STXBP6: variants seen among roughly 807,000 people sequenced by gnomAD.
The protein encoded by STXBP6 is syntaxin-binding protein 6.
A neutral mutation model predicts 26.9 loss-of-function variants in STXBP6; 21 were observed. The ratio of observed to expected loss-of-function variants is 0.78; its 90% confidence interval spans 0.55 to 1.12. The LOEUF is 1.12. Among genes scored for constraint, STXBP6 ranks in the 50% most tolerant of loss-of-function variants. The probability of loss-of-function intolerance (pLI) is 0.00; values close to 1 mark genes in which losing one functional copy is unlikely to be tolerated. For missense variants in STXBP6, 232 were observed against 257.9 expected (o/e 0.90, Z 0.69); for synonymous variants, 97 against 92.6 (o/e 1.05, Z -0.27).
At chr14:24,943,683 T>C (rs1356458607) in intron 2 of STXBP6, among the ~76,000 whole-genome samples, 2 of 152,254 alleles carry the variant, frequency 1.3e-5, no homozygotes, top group Non-Finnish European at 2.9e-5. Flanking sequence ...CTGAACTGAA[T>C]ATATTTAATA....
intron 2 of STXBP6, among the ~76,000 whole-genome samples, chr14:24,936,551 C>T (rs1283783413): frequency 2.0e-5 from 3 of 152,192 alleles, no homozygotes; most frequent in Non-Finnish European, 2.9e-5. Context: ...CAAGTCATCA[C>T]TGATTGTCAA....
At chr14:24,900,934 A>G (rs1388155355) in intron 2 of STXBP6, among the ~76,000 whole-genome samples, 2 of 152,212 alleles carry the variant, frequency 1.3e-5, no homozygotes, top group Non-Finnish European at 2.9e-5. Context: ...GAAGACAGTA[A>G]AAACTGGGAT....
chr14:24,926,866 A>T (rs1017575503), intron 2 of STXBP6, among the ~76,000 whole-genome samples: 1 of 152,180 alleles, frequency 6.6e-6, no homozygotes, highest in African/African-American at 2.4e-5. Context: ...AAATGAGTTA[A>T]TATAATGCAA....
chr14:25,035,361 T>C (rs2075532321), intron 1 of STXBP6, among the ~76,000 whole-genome samples: 3 of 152,158 alleles, frequency 2.0e-5, no homozygotes, highest in African/African-American at 7.2e-5. Flanking sequence ...TTACTCCTCC[T>C]GTCACAATGT....
chr14:24,822,572 T>C (rs188114287), intron 4 of STXBP6, among the ~76,000 whole-genome samples: 1 of 152,326 alleles, frequency 6.6e-6, no homozygotes, highest in Non-Finnish European at 1.5e-5. Flanking sequence ...TTAATTTGTC[T>C]GATCTGTAAA....
intron 2 of STXBP6, among the ~76,000 whole-genome samples, chr14:24,891,639 A>T (rs1446719330): frequency 6.6e-6 from 1 of 152,160 alleles, no homozygotes; most frequent in African/African-American, 2.4e-5. Context: ...TACCCCACTA[A>T]TATTAGCCTT....
At chr14:25,035,451 T>G (rs751876829) in intron 1 of STXBP6, among the ~76,000 whole-genome samples, 12 of 152,186 alleles carry the variant, frequency 7.9e-5, no homozygotes, top group Admixed American at 1.3e-4. Flanking sequence ...TGGCAGGAAG[T>G]CAATAAGTTC....
intron 1 of STXBP6, among the ~76,000 whole-genome samples, chr14:25,044,705 TG>T (rs1419839064): frequency 6.6e-5 from 10 of 152,260 alleles, no homozygotes; most frequent in South Asian, 2.1e-4. Context: ...AGCCTTGACC[TG>T]CTGGCATTAC....
intron 5 of STXBP6, among the ~76,000 whole-genome samples, chr14:24,813,624 T>G (rs1187264348): frequency 6.6e-6 from 1 of 152,126 alleles, no homozygotes; most frequent in Non-Finnish European, 1.5e-5. Context: ...GGCTCAGAAA[T>G]CCTTTGAGCA....
chr14:24,851,235 G>A (rs2069139131), intron 4 of STXBP6, among the ~76,000 whole-genome samples: 1 of 43,410 alleles, frequency 2.3e-5, no homozygotes, highest in Admixed American at 3.8e-4. Context: ...GGCAGACCAC[G>A]TCTCTTTTTT....
intron 2 of STXBP6, among the ~76,000 whole-genome samples, chr14:24,884,644 T>C (rs966675069): frequency 3.9e-5 from 6 of 152,220 alleles, no homozygotes; most frequent in African/African-American, 1.4e-4. Context: ...AGCATACACA[T>C]AGAATGACTT....
chr14:24,943,383 C>G (rs1386671195), intron 2 of STXBP6, among the ~76,000 whole-genome samples: 1 of 152,202 alleles, frequency 6.6e-6, no homozygotes, highest in Non-Finnish European at 1.5e-5. Context: ...CCCACCTGGA[C>G]TCCTGTGAGA....
chr14:25,004,673 G>T lies in STXBP6; in HGVS notation c.-32-29823C>A, dbSNP rs1463518848. 2.6e-5 allele frequency among the ~76,000 whole-genome samples: 4 copies of T among 152,186 alleles called. No individual in the cohort carries two copies. In the East Asian group the frequency reaches 7.7e-4, roughly 29 times the overall value. ...TTAGCTCTTTGAGGGCAGAGTCCAT[G>T]TTTCTTTCATTTCTATGTATCCCGA... On this transcript the variant is annotated intron_variant, in intron 1 of 5. Coordinates refer to ENST00000323944, the MANE Select transcript of STXBP6 (RefSeq NM_001394410.1).
intron 1 of STXBP6, among the ~76,000 whole-genome samples, chr14:24,979,166 T>G (rs2074122615): frequency 6.6e-6 from 1 of 152,276 alleles, no homozygotes. Flanking sequence ...TGATCTAACT[T>G]CATTAACTCC....
At chr14:24,819,504 T>C in intron 4 of STXBP6, 1 of 525,654 alleles carries the variant, frequency 1.9e-6, no homozygotes, top group Non-Finnish European at 3.4e-6. Context: ...GGGGCCTGTC[T>C]GGATTTACAA....
chr14:24,851,908 T>C (rs1484129688), intron 4 of STXBP6, among the ~76,000 whole-genome samples: 2 of 152,114 alleles, frequency 1.3e-5, no homozygotes, highest in African/African-American at 4.8e-5. Context: ...CAGATACAGC[T>C]GTGAAAATAA....
intron 1 of STXBP6, among the ~76,000 whole-genome samples, chr14:25,042,322 G>A (rs926042747): frequency 2.6e-5 from 4 of 152,200 alleles, no homozygotes; most frequent in East Asian, 1.9e-4. Context: ...CAAGCCAGCC[G>A]GGATTAGTGC....
At chr14:25,030,315 T>A (rs10131354) in intron 1 of STXBP6, among the ~76,000 whole-genome samples, 5 of 152,062 alleles carry the variant, frequency 3.3e-5, no homozygotes, top group Admixed American at 6.5e-5. Flanking sequence ...AGGCAGGGCC[T>A]GGGCCACTGA....
intron 4 of STXBP6, among the ~76,000 whole-genome samples, chr14:24,851,187 A>G (rs990571971): frequency 2.6e-5 from 4 of 151,652 alleles, no homozygotes; most frequent in African/African-American, 9.7e-5. Flanking sequence ...TTGACCTAAT[A>G]TGGCATACCC....
Sources: gnomAD v4.1 joint callset for allele counts (sites outside exome capture counted in the v4.1 genomes callset) on GRCh38, gnomAD v4.1.1 for gene constraint, MANE v1.5 for transcripts, NCBI Gene and HGNC (gene_info 2026-07-23, HGNC 2026-07-21) for gene names.